Variants in SGCD observed in about 807,000 individuals in gnomAD.
The protein encoded by SGCD is sarcoglycan delta.
Under a neutral mutation model 36.6 loss-of-function variants are expected in SGCD, and 18 were observed. The ratio of observed to expected loss-of-function variants is 0.49; its 90% CI spans 0.34 to 0.73. The LOEUF (loss-of-function observed/expected upper bound fraction) is 0.73. Among genes scored for constraint, SGCD ranks in the 30% least tolerant of loss-of-function variants. SGCD has a pLI of 0.01. For synonymous variants in SGCD, 133 were observed against 130.6 expected, an observed-to-expected ratio of 1.02 and a Z score of -0.12; for missense variants, 387 against 346.7, an observed-to-expected ratio of 1.12 and a Z score of -0.92.
rs1052212422 is a variant in SGCD, at chr5:156,255,326, T to A, written c.-43-74208T>A. ...ATATATTACAATGTTGGGCTCAATT[T>A]GAAAAGTTCTTTTAGGAATTTAAAA... On this transcript the variant is annotated intron_variant, in intron 3 of 9. Coordinates refer to the SGCD transcript ENST00000517913. Among the ~76,000 whole-genome samples the A allele has an allele frequency of 4.0e-4, 61 of 152,222 alleles. 1 individual carries two copies.
At position 156,176,880 on chromosome 5, in the gene SGCD, GA is replaced by G. The variant is rs529858859; in HGVS notation, c.-44+52862del. 2.5e-3 allele frequency among the ~76,000 whole-genome samples: 382 copies of G among 152,276 alleles called. 3 individuals carry two copies. Among genetic ancestry groups the G allele is most frequent in the African/African-American group, 8.6e-3 (358 of 41,552 alleles). On this transcript the variant is annotated intron_variant, in intron 3 of 9. Transcript: ENST00000517913. Reference sequence around the variant, plus strand: ...AATTACAAAGTGACAAATTGTCAGGGATGAGGATTTTTAAAAGACATAGGGA... The same window carrying G: ...AATTACAAAGTGACAAATTGTCAGGGTGAGGATTTTTAAAAGACATAGGGA...
Position 156,569,329 on chromosome 5 carries a change from C to T in SGCD, c.295-19902C>T, listed in dbSNP as rs189864337. 2.7e-3 allele frequency among the ~76,000 whole-genome samples: 412 copies of T among 152,090 alleles called. 3 individuals carry two copies. Among genetic ancestry groups the T allele is most frequent in the African/African-American group, 9.3e-3 (387 of 41,494 alleles). On this transcript the variant is annotated intron_variant, in intron 4 of 8. Coordinates refer to ENST00000337851, the MANE Select transcript of SGCD (RefSeq NM_000337.6). Reference sequence around the variant, plus strand: ...ACAATCAGCCGGGCATGGTAGCACACGCCTGTAATCCCAGCACTTTGGGAG... The same window carrying T: ...ACAATCAGCCGGGCATGGTAGCACATGCCTGTAATCCCAGCACTTTGGGAG...
chr5:156,328,909 C>T (rs765297710), intron 1 of SGCD, among the ~76,000 whole-genome samples: 1 of 151,830 alleles, frequency 6.6e-6, no homozygotes, highest in African/African-American at 2.4e-5. Flanking sequence ...TGGCATGAAC[C>T]GTAGTCAAGC....
rs758561226 is a variant in SGCD, at chr5:156,761,979, A to T, written c.*2589A>T. The T allele has an allele frequency of 6.6e-6, 1 of 152,586 alleles. No homozygotes were observed. Among genetic ancestry groups the T allele is most frequent in the Non-Finnish European group, 1.5e-5 (1 of 68,044 alleles). 9.5% of individuals were successfully genotyped at this position (152,586 alleles called of 1,614,324 possible). On this transcript the variant is annotated 3_prime_UTR_variant, in exon 9 of 9. Coordinates refer to ENST00000337851, the MANE Select transcript of SGCD (RefSeq NM_000337.6). ...AAATTTGATATGGGTTAAATTATGC[A>T]TTTTGTTCAGATTTTGGAAATTGGT... is the stretch of plus-strand genomic sequence containing the variant.
At chr5:155,977,003 A>T (rs1758128855) in intron 1 of SGCD, among the ~76,000 whole-genome samples, 1 of 152,186 alleles carries the variant, frequency 6.6e-6, no homozygotes. Flanking sequence ...AGTTCTTAGA[A>T]TAAGAAGAGC....
chr5:156,380,527 A>G (rs1770922649), intron 3 of SGCD, among the ~76,000 whole-genome samples: 3 of 152,224 alleles, frequency 2.0e-5, no homozygotes, highest in Admixed American at 2.0e-4. Flanking sequence ...TGCATGAGGC[A>G]TTGTGACTTA....
At chr5:155,995,006 A>G (rs2127565907) in intron 1 of SGCD, among the ~76,000 whole-genome samples, 1 of 152,256 alleles carries the variant, frequency 6.6e-6, no homozygotes, top group South Asian at 2.1e-4. Flanking sequence ...CCGTGTACCC[A>G]ACCTTTATCC....
chr5:155,799,761 T>G, the SGCD span, among the ~76,000 whole-genome samples: 1 of 151,170 alleles, frequency 6.6e-6, no homozygotes, highest in East Asian at 2.0e-4. Flanking sequence ...ACCCACAATG[T>G]AACTTTTTTC....
chr5:156,369,966 G>A (rs1344676638), intron 3 of SGCD, among the ~76,000 whole-genome samples: 1 of 152,104 alleles, frequency 6.6e-6, no homozygotes, highest in Non-Finnish European at 1.5e-5. Context: ...GGCCTTAATG[G>A]CCCTAGTCAC....
intron 7 of SGCD, among the ~76,000 whole-genome samples, chr5:156,681,191 A>C (rs1387618483): frequency 6.6e-6 from 1 of 152,162 alleles, no homozygotes; most frequent in Non-Finnish European, 1.5e-5. Flanking sequence ...GGTCACACGA[A>C]CTGTTTGAAA....
intron 3 of SGCD, among the ~76,000 whole-genome samples, chr5:156,449,852 CAAA>C (rs10548772): frequency 1.3e-4 from 9 of 67,822 alleles, no homozygotes; most frequent in African/African-American, 3.6e-4. Context: ...AACTCCATCT[CAAA>C]AAAAAAAAAA....
intron 1 of SGCD, among the ~76,000 whole-genome samples, chr5:155,960,225 C>G (rs545177752): frequency 3.0e-4 from 46 of 152,136 alleles, no homozygotes; most frequent in South Asian, 8.3e-4. Flanking sequence ...TGATAACTGG[C>G]AACAAGGACA....
the SGCD span, among the ~76,000 whole-genome samples, chr5:155,834,216 A>G: frequency 3.6e-3 from 547 of 152,240 alleles, 3 homozygotes; most frequent in African/African-American, 0.012. Context: ...CCAAGGCAGG[A>G]ACTGTGTCCT....
intron 3 of SGCD, among the ~76,000 whole-genome samples, chr5:156,175,316 A>T (rs1056405870): frequency 6.6e-6 from 1 of 152,222 alleles, no homozygotes; most frequent in Admixed American, 6.5e-5. Flanking sequence ...GTAGAAAAAA[A>T]GTAGTAAAAT....
chr5:156,720,602 C>A lies in SGCD; in HGVS notation c.576-36979C>A, dbSNP rs552678165. On this transcript the variant is annotated intron_variant, in intron 7 of 8. Transcript: ENST00000337851. Reference sequence around the variant, plus strand: ...TGATGTAAAGACTGGACCTCTCTCCCTGTCTGAGGTGGCTACCACCTGTGG... The same window carrying A: ...TGATGTAAAGACTGGACCTCTCTCCATGTCTGAGGTGGCTACCACCTGTGG... Among the ~76,000 whole-genome samples the A allele has an allele frequency of 8.5e-5, 13 of 152,320 alleles. No individual in the cohort carries two copies. The East Asian group carries it at 1.9e-3, about 23-fold the overall frequency.
Position 156,125,075 on chromosome 5 carries a change from A to G in SGCD, c.-44+1056A>G, listed in dbSNP as rs57356824. On this transcript the variant is annotated intron_variant, in intron 3 of 9. Transcript: ENST00000517913. ...GGTTAAAAGCACTGGGGAAAAGATG[A>G]TTTTATAGCTTACAACCACATGGCA... 7.3e-3 allele frequency among the ~76,000 whole-genome samples: 1,116 copies of G among 152,270 alleles called. 11 individuals are homozygous for G. Among genetic ancestry groups the G allele is most frequent in the African/African-American group, 0.025 (1,019 of 41,562 alleles).
intron 3 of SGCD, among the ~76,000 whole-genome samples, chr5:156,301,076 C>T (rs952495304): frequency 1.3e-5 from 2 of 151,804 alleles, no homozygotes; most frequent in African/African-American, 2.4e-5. Flanking sequence ...ACAGTCTATT[C>T]CATTTATATT....
chr5:156,664,381 G>A (rs1339942435), intron 7 of SGCD, among the ~76,000 whole-genome samples: 1,050 of 122,766 alleles, frequency 8.6e-3, no homozygotes, highest in Admixed American at 0.012. Flanking sequence ...ATCGGCAATT[G>A]ACTTTTGAGC....
intron 3 of SGCD, among the ~76,000 whole-genome samples, chr5:156,423,366 TTATATTTTATTATAATATAA>T (rs1773494965): frequency 1.2e-5 from 1 of 82,658 alleles, no homozygotes; most frequent in South Asian, 4.2e-4. Flanking sequence ...TTATAATATA[TTATATTTTATTATAATATAA>T]TATATTATAT....
Sources: allele counts gnomAD v4.1 joint callset (sites outside exome capture counted in the v4.1 genomes callset), GRCh38; gene constraint gnomAD v4.1.1; transcripts MANE v1.5; gene names NCBI Gene and HGNC (gene_info 2026-07-23, HGNC 2026-07-21).